RGS7: variants seen among roughly 807,000 people sequenced by gnomAD.
RGS7 encodes the protein regulator of G protein signaling 7, also known as regulator of G-protein signaling 7.
A neutral mutation model predicts 81.1 loss-of-function variants in RGS7; 27 were observed. The observed-to-expected ratio is 0.33, with a 90% CI of 0.25 to 0.46. The LOEUF (loss-of-function observed/expected upper bound fraction) is 0.46, where lower values mean the gene tolerates loss of function less well. Among genes scored for constraint, RGS7 ranks in the 20% least tolerant of loss-of-function variants. The pLI, the probability that RGS7 is intolerant of heterozygous loss-of-function variation, is 1.00. For synonymous variants in RGS7, 208 were observed against 207.7 expected (o/e 1.00, Z -0.01); for missense variants, 396 against 607.4 (o/e 0.65, Z 3.66).
chr1:240,901,577 C>T (rs1349473971), intron 6 of RGS7, among the ~76,000 whole-genome samples: 7 of 152,296 alleles, frequency 4.6e-5, no homozygotes, highest in African/African-American at 9.6e-5. Flanking sequence ...ATCATACTTA[C>T]GCATAGCACA....
At chr1:240,929,412 G>A (rs1675017507) in intron 6 of RGS7, among the ~76,000 whole-genome samples, 1 of 152,108 alleles carries the variant, frequency 6.6e-6, no homozygotes, top group African/African-American at 2.4e-5. Context: ...GAAGAAACTG[G>A]CATTCTCACT....
At chr1:240,893,422 TTC>T (rs1451335335) in intron 6 of RGS7, among the ~76,000 whole-genome samples, 3 of 152,202 alleles carry the variant, frequency 2.0e-5, no homozygotes, top group Admixed American at 1.3e-4. Flanking sequence ...TTAATTTTCT[TTC>T]TCTTCCCTGA....
chr1:241,047,590 G>T (rs961342808), intron 3 of RGS7, among the ~76,000 whole-genome samples: 1 of 152,036 alleles, frequency 6.6e-6, no homozygotes, highest in South Asian at 2.1e-4. Context: ...CAGGGAACTT[G>T]ACTTTCAAAT....
intron 3 of RGS7, among the ~76,000 whole-genome samples, chr1:241,091,392 C>T (rs1177812617): frequency 2.0e-5 from 3 of 151,462 alleles, no homozygotes; most frequent in Non-Finnish European, 4.4e-5. Flanking sequence ...ATTAAAAATA[C>T]AAAAAATTAG....
At chr1:241,301,602 C>T (rs983682635) in intron 2 of RGS7, among the ~76,000 whole-genome samples, 1 of 152,054 alleles carries the variant, frequency 6.6e-6, no homozygotes, top group Non-Finnish European at 1.5e-5. Flanking sequence ...TGCAAGTGTG[C>T]CACAATTCAA....
chr1:241,327,088 A>AAG (rs1553320691), intron 2 of RGS7, among the ~76,000 whole-genome samples: 1 of 39,814 alleles, frequency 2.5e-5, no homozygotes, highest in Non-Finnish European at 4.7e-5. Flanking sequence ...AAGAGAAAGA[A>AAG]AGAAAGAAAG....
chr1:241,269,322 C>A (rs969342558), intron 2 of RGS7, among the ~76,000 whole-genome samples: 1 of 152,238 alleles, frequency 6.6e-6, no homozygotes, highest in African/African-American at 2.4e-5. Flanking sequence ...CGCCTCCTGG[C>A]GGATGCCTAC....
intron 3 of RGS7, among the ~76,000 whole-genome samples, chr1:241,095,743 C>T (rs2064200178): frequency 6.6e-6 from 1 of 152,138 alleles, no homozygotes; most frequent in Non-Finnish European, 1.5e-5. Flanking sequence ...ATTAACATAT[C>T]CATTATCTTA....
intron 2 of RGS7, among the ~76,000 whole-genome samples, chr1:241,099,586 A>T (rs12083715): frequency 0.05 from 7,636 of 152,302 alleles, 619 homozygotes; most frequent in African/African-American, 0.17. Context: ...TGTGCTTCAC[A>T]AAGTCAATGT....
intron 4 of RGS7, among the ~76,000 whole-genome samples, chr1:240,937,700 A>C (rs948177185): frequency 5.3e-5 from 8 of 152,170 alleles, no homozygotes; most frequent in African/African-American, 1.9e-4. Flanking sequence ...TCAATATCAT[A>C]GCAATCTAGT....
At chr1:240,905,548 G>A (rs1213348143) in intron 6 of RGS7, among the ~76,000 whole-genome samples, 2 of 152,176 alleles carry the variant, frequency 1.3e-5, no homozygotes, top group Non-Finnish European at 2.9e-5. Context: ...TTGACACAAG[G>A]TGTTGACTAT....
intron 2 of RGS7, among the ~76,000 whole-genome samples, chr1:241,235,382 T>TA (rs1406480343): frequency 6.6e-6 from 1 of 152,178 alleles, no homozygotes. Flanking sequence ...AAAATCCTTT[T>TA]AAAATCTTAG....
At chr1:241,278,660 A>G (rs2078326321) in intron 2 of RGS7, among the ~76,000 whole-genome samples, 1 of 152,082 alleles carries the variant, frequency 6.6e-6, no homozygotes, top group South Asian at 2.1e-4. Flanking sequence ...CCACCAGCCC[A>G]CACACCTCAC....
chr1:241,003,150 T>G (rs998750592), intron 3 of RGS7, among the ~76,000 whole-genome samples: 1 of 152,164 alleles, frequency 6.6e-6, no homozygotes, highest in Non-Finnish European at 1.5e-5. Context: ...TTATCATTGC[T>G]TATAATGACA....
chr1:240,946,034 G>C (rs975136657), intron 4 of RGS7, among the ~76,000 whole-genome samples: 3 of 152,030 alleles, frequency 2.0e-5, no homozygotes, highest in African/African-American at 7.2e-5. Context: ...TAAATAAGAT[G>C]TATTAAAACA....
At chr1:241,062,914 C>T (rs959752546) in intron 3 of RGS7, among the ~76,000 whole-genome samples, 3 of 152,178 alleles carry the variant, frequency 2.0e-5, no homozygotes, top group Admixed American at 6.5e-5. Context: ...TGTATTTGGG[C>T]ACAGATCAAG....
At chr1:240,819,502 A>T (rs934273648) in intron 10 of RGS7, among the ~76,000 whole-genome samples, 1 of 152,118 alleles carries the variant, frequency 6.6e-6, no homozygotes, top group Non-Finnish European at 1.5e-5. Context: ...GTACTTTGGG[A>T]GGCTGAGGCA....
At chr1:241,168,741 C>CACCTCCCA (rs1385508413) in intron 2 of RGS7, among the ~76,000 whole-genome samples, 4 of 151,970 alleles carry the variant, frequency 2.6e-5, no homozygotes, top group African/African-American at 7.3e-5. Flanking sequence ...TCTCTCCCCC[C>CACCTCCCA]ACCTCCCCAC....
chr1:241,170,409 A>C (rs1288927691), intron 2 of RGS7, among the ~76,000 whole-genome samples: 1 of 152,186 alleles, frequency 6.6e-6, no homozygotes, highest in Admixed American at 6.5e-5. Context: ...ATTAGGTGCA[A>C]TCATGATTTA....
Sources: gnomAD v4.1 joint callset for allele counts (sites outside exome capture counted in the v4.1 genomes callset) on GRCh38, gnomAD v4.1.1 for gene constraint, MANE v1.5 for transcripts, NCBI Gene and HGNC (gene_info 2026-07-23, HGNC 2026-07-21) for gene names.